STARD13: variants seen among roughly 807,000 people sequenced by gnomAD.
The protein encoded by STARD13 is StAR related lipid transfer domain containing 13.
In STARD13, 62 loss-of-function variants were observed where a neutral mutation model predicts 106.4. The ratio of observed to expected loss-of-function variants is 0.58; its 90% CI spans 0.48 to 0.72. The LOEUF is 0.72. STARD13 is among the 30% of genes least tolerant of loss of function. The probability of loss-of-function intolerance (pLI) is 0.00; values close to 1 mark genes in which losing one functional copy is unlikely to be tolerated. For synonymous variants in STARD13, 565 were observed against 553.0 expected, an observed-to-expected ratio of 1.02 and a Z score of -0.31; for missense variants, 1,387 against 1,424.0, an observed-to-expected ratio of 0.97 and a Z score of 0.42.
chr13:33,467,620 T>A, the STARD13 span, among the ~76,000 whole-genome samples: 1 of 152,144 alleles, frequency 6.6e-6, no homozygotes, highest in East Asian at 1.9e-4. Context: ...TGTCTTTGGG[T>A]TGCATATTTA....
intron 1 of STARD13, among the ~76,000 whole-genome samples, chr13:33,236,276 A>T (rs1395153721): frequency 6.6e-6 from 1 of 152,188 alleles, no homozygotes; most frequent in Non-Finnish European, 1.5e-5. Context: ...CTTTGGCAGG[A>T]ATCTGATTTG....
At chr13:33,309,420 G>A (rs1178871746) in intron 1 of STARD13, among the ~76,000 whole-genome samples, 1 of 152,174 alleles carries the variant, frequency 6.6e-6, no homozygotes, top group African/African-American at 2.4e-5. Flanking sequence ...TCAGCTCTTA[G>A]CTCTATGCAA....
the STARD13 span, among the ~76,000 whole-genome samples, chr13:33,519,715 A>G: frequency 6.6e-6 from 1 of 152,092 alleles, no homozygotes; most frequent in Non-Finnish European, 1.5e-5. Flanking sequence ...TAATCCCTTA[A>G]TCTCTGTTCC....
rs34981374 is a variant in STARD13 at position 33,129,335 on chromosome 13, C to T, written c.1342G>A (p.Ala448Thr). The change falls in exon 5 of 14, where the codon GCG becomes ACG. Residue 448 changes from alanine to threonine, a missense_variant. Coordinates refer to ENST00000336934, the MANE Select transcript of STARD13 (RefSeq NM_178006.4). ...ACTCGGCTGGCTCTGTGGCAGGACG[C>T]CATGAGCCGGGGCTCCCTGGCACCA... ...VPGAREPRLMASCHRASRVSI... is the reference protein window; with the variant it reads ...VPGAREPRLMTSCHRASRVSI... 2.4e-4 allele frequency: 394 copies of T among 1,614,020 alleles called. 1 individual carries two copies. The highest frequency in any genetic ancestry group is 1.3e-4 in the South Asian group (12 of 91,086).
chr13:33,435,928 T>C, the STARD13 span, among the ~76,000 whole-genome samples: 1 of 152,210 alleles, frequency 6.6e-6, no homozygotes, highest in African/African-American at 2.4e-5. Flanking sequence ...CTCCATATAG[T>C]ACATGATTTT....
chr13:33,588,733 A>G, the STARD13 span, among the ~76,000 whole-genome samples: 3,200 of 152,314 alleles, frequency 0.021, 126 homozygotes, highest in African/African-American at 0.072. Flanking sequence ...CTCATCTTCA[A>G]TTAGAGGTTC....
At chr13:33,182,735 A>G (rs1411233189) in intron 1 of STARD13, among the ~76,000 whole-genome samples, 1 of 152,264 alleles carries the variant, frequency 6.6e-6, no homozygotes, top group Non-Finnish European at 1.5e-5. Context: ...CATTTTGTCT[A>G]AACCAGGACT....
the STARD13 span, among the ~76,000 whole-genome samples, chr13:33,657,127 G>A: frequency 6.6e-6 from 1 of 152,150 alleles, no homozygotes; most frequent in African/African-American, 2.4e-5. Flanking sequence ...AAAATTAGCT[G>A]GGCGTGGTGG....
chr13:33,460,565 C>T, the STARD13 span, among the ~76,000 whole-genome samples: 1 of 151,572 alleles, frequency 6.6e-6, no homozygotes, highest in African/African-American at 2.4e-5. Context: ...TTGTCTTGTA[C>T]ATATTTCTTA....
the STARD13 span, among the ~76,000 whole-genome samples, chr13:33,623,429 A>G: frequency 2.3e-5 from 2 of 85,752 alleles, no homozygotes; most frequent in Admixed American, 1.1e-4. Context: ...TCAATAAAGT[A>G]AAAAAAAAAA....
chr13:33,622,788 C>T, the STARD13 span, among the ~76,000 whole-genome samples: 18,058 of 151,152 alleles, frequency 0.12, 2,740 homozygotes, highest in African/African-American at 0.36. Flanking sequence ...GGCGTGGTGG[C>T]GCATGCCTGT....
chr13:33,418,211 T>G, the STARD13 span, among the ~76,000 whole-genome samples: 1 of 152,232 alleles, frequency 6.6e-6, no homozygotes, highest in Non-Finnish European at 1.5e-5. Flanking sequence ...AGACTGTTCC[T>G]GGAAAAATAG....
the STARD13 span, among the ~76,000 whole-genome samples, chr13:33,490,060 C>T: frequency 1.3e-5 from 2 of 151,994 alleles, no homozygotes; most frequent in African/African-American, 4.8e-5. Context: ...TAAACTTTCA[C>T]ATAAGTTTAA....
chr13:33,366,597 C>T, the STARD13 span, among the ~76,000 whole-genome samples: 1 of 152,166 alleles, frequency 6.6e-6, no homozygotes, highest in African/African-American at 2.4e-5. The surrounding 1 kb of genome is among the most constrained non-coding windows in gnomAD (Gnocchi z 4.2). Flanking sequence ...CCAAGCTTTG[C>T]TTCCTTCCCT....
chr13:33,117,379 G>T (rs1875544882), intron 8 of STARD13, among the ~76,000 whole-genome samples: 1 of 152,170 alleles, frequency 6.6e-6, no homozygotes, highest in South Asian at 2.1e-4. Flanking sequence ...CCAAAGTGCT[G>T]GGATTACAGG....
chr13:33,353,900 G>A (rs2078102824), upstream of STARD13, among the ~76,000 whole-genome samples: 1 of 152,174 alleles, frequency 6.6e-6, no homozygotes, highest in South Asian at 2.1e-4. Context: ...CGTCTTACTT[G>A]CTTGTGCATC....
chr13:33,470,658 A>T, the STARD13 span, among the ~76,000 whole-genome samples: 3 of 152,114 alleles, frequency 2.0e-5, no homozygotes, highest in Non-Finnish European at 4.4e-5. Context: ...TTTGATTTGC[A>T]TTTCTCTAAT....
chr13:33,109,720 G>C (rs1452436797), intron 12 of STARD13, among the ~76,000 whole-genome samples, 153 bp downstream of exon 12: 1 of 152,222 alleles, frequency 6.6e-6, no homozygotes, highest in Non-Finnish European at 1.5e-5. Context: ...CATCGACACA[G>C]AAAACTCAGA....
At chr13:33,633,804 C>T in the STARD13 span, among the ~76,000 whole-genome samples, 2 of 152,120 alleles carry the variant, frequency 1.3e-5, no homozygotes, top group Non-Finnish European at 2.9e-5. Flanking sequence ...GCAAACAGCA[C>T]CCCCAGTCTT....
Sources: allele counts gnomAD v4.1 joint callset (sites outside exome capture counted in the v4.1 genomes callset), GRCh38; gene constraint gnomAD v4.1.1; non-coding constraint Gnocchi (gnomAD v3.1); transcripts MANE v1.5; gene names NCBI Gene and HGNC (gene_info 2026-07-23, HGNC 2026-07-21).